Variants in RPS6KB2 observed in about 807,000 individuals in gnomAD.
RPS6KB2 encodes the protein ribosomal protein S6 kinase beta-2.
RPS6KB2 carries 51 observed loss-of-function variants against 58.2 expected under a neutral mutation model. The ratio of observed to expected loss-of-function variants is 0.88; its 90% CI spans 0.70 to 1.11. The LOEUF (loss-of-function observed/expected upper bound fraction) is 1.11. RPS6KB2 is among the 50% of genes least tolerant of loss of function. The probability of loss-of-function intolerance (pLI) is 0.00; values close to 1 mark genes in which losing one functional copy is unlikely to be tolerated. For missense variants in RPS6KB2, 671 were observed against 655.8 expected (o/e 1.02, Z -0.25); for synonymous variants, 293 against 258.6 (o/e 1.13, Z -1.28).
Position 67,429,246 on chromosome 11 carries a change from G to A in RPS6KB2, c.240+6G>A. On this transcript the variant is annotated splice_donor_region_variant and intron_variant, in intron 3 of 14. Coordinates refer to ENST00000312629, the MANE Select transcript of RPS6KB2 (RefSeq NM_003952.3). The stretch of plus-strand genomic sequence containing the variant: ...GCAAGGGGGGCTATGGCAAGGTAGG[G>A]GCGGGCGCACCCTCCTCCTGGCCTC... 6.2e-7 allele frequency: 1 copy of A among 1,612,302 alleles called. No individual in the cohort carries two copies. The highest frequency in any genetic ancestry group is 8.5e-7 in the Non-Finnish European group (1 of 1,179,948).
chr11:67,429,403 A>T, intron 3 of RPS6KB2, 124 bp from the exon 4 acceptor site: 1 of 1,363,666 alleles, frequency 7.3e-7, no homozygotes, highest in South Asian at 1.3e-5. Context: ...CGGACTTGAA[A>T]TCTTCACTGC....
Position 67,435,288 on chromosome 11 carries a change from T to A in RPS6KB2, c.*119T>A. 2.1e-6 allele frequency: 2 copies of A among 951,192 alleles called. No homozygotes were observed. The highest frequency in any genetic ancestry group is 2.7e-5 in the East Asian group (1 of 36,870). The allele number at this position is 951,192 out of a possible 1,614,324, so 58.9% of individuals were successfully genotyped here. On this transcript the variant is annotated 3_prime_UTR_variant, in exon 15 of 15. Coordinates refer to ENST00000312629, the MANE Select transcript of RPS6KB2 (RefSeq NM_003952.3). The stretch of plus-strand genomic sequence containing the variant: ...TGTCTGGGGGTGGGGTGTGAGTGCG[T>A]ATGAAAGTGTGTGTCTGCTGGGGCA...
At position 67,429,298 on chromosome 11, in the gene RPS6KB2, G is replaced by A; in HGVS notation, c.240+58G>A. ...CAGCCTCCATCTGGAGGCAGCAAAG[G>A]GTTCTCAAAACAAATTAGACTTGTG... is the stretch of plus-strand genomic sequence containing the variant. On this transcript the variant is annotated intron_variant, in intron 3 of 14. Coordinates refer to ENST00000312629, the MANE Select transcript of RPS6KB2 (RefSeq NM_003952.3). 3 of 1,602,372 alleles carry A rather than the reference G, an allele frequency of 1.9e-6. No individual in the cohort carries two copies. The Admixed American group carries it at 5.0e-5, about 27-fold the overall frequency.
intron 4 of RPS6KB2, chr11:67,429,810 CTATT>C (rs1863965464): frequency 3.8e-6 from 2 of 523,430 alleles, no homozygotes; most frequent in East Asian, 3.3e-5. Flanking sequence ...TGTCTGGACA[CTATT>C]TTATTTTATT....
Position 67,429,132 on chromosome 11 carries a change from C to T in RPS6KB2, c.132C>T (p.His44=), listed in dbSNP as rs1480524796. 16 of 1,613,994 alleles carry T rather than the reference C, an allele frequency of 9.9e-6. No individual in the cohort carries two copies. Among genetic ancestry groups the T allele is most frequent in the Non-Finnish European group, 1.2e-5 (14 of 1,180,024 alleles). ...CTTGTGTCCGTAGGCCTGTGGGACA[C>T]TATGAAGAGGTGGAGCTGACTGAGA... The part of the protein sequence containing the change: ...LRAAGLEPVG[H]YEEVELTETS... Residue 44 remains histidine, a synonymous_variant, in exon 3 of 15, where the codon CAC becomes CAT. Coordinates refer to ENST00000312629, the MANE Select transcript of RPS6KB2 (RefSeq NM_003952.3).
intron 4 of RPS6KB2, 40 bp from the exon 5 acceptor site, chr11:67,431,328 C>T: frequency 6.2e-7 from 1 of 1,604,490 alleles, no homozygotes; most frequent in Non-Finnish European, 8.5e-7. Flanking sequence ...CTGTGCCCAG[C>T]CTGGATGCCT....
chr11:67,429,547 GCAA>G lies in RPS6KB2; in HGVS notation c.262_264del (p.Gln88del). On this transcript the variant is annotated inframe_deletion, in exon 4 of 15. Coordinates refer to ENST00000312629, the MANE Select transcript of RPS6KB2 (RefSeq NM_003952.3). ...TACAGGTGTTCCAGGTGCGAAAGGT[GCAA>G]GGCACCAACTTGGGCAAAATATATG... 1.2e-6 allele frequency: 2 copies of G among 1,613,346 alleles called. No individual in the cohort carries two copies. The highest frequency in any genetic ancestry group is 4.5e-5 in the East Asian group (2 of 44,872).
chr11:67,429,604 C>T lies in RPS6KB2; in HGVS notation c.309+9C>T, dbSNP rs532433397. 1.7e-5 allele frequency: 28 copies of T among 1,604,828 alleles called. No homozygotes were observed. The highest frequency in any genetic ancestry group is 5.3e-5 in the African/African-American group (4 of 74,994). The stretch of plus-strand genomic sequence containing the variant: ...TGAAAGTCCTAAGGAAGGTGAGTCA[C>T]TCGTTCAGCCAACGAATACTGTGTG... On this transcript the variant is annotated intron_variant, in intron 4 of 14. Coordinates refer to ENST00000312629, the MANE Select transcript of RPS6KB2 (RefSeq NM_003952.3).
Position 67,433,311 on chromosome 11 carries a change from A to G in RPS6KB2, c.799-29A>G, listed in dbSNP as rs1407340969. 1.9e-6 allele frequency: 3 copies of G among 1,605,162 alleles called. No homozygotes were observed. The African/African-American group carries it at 4.0e-5, about 21-fold the overall frequency. On this transcript the variant is annotated intron_variant, in intron 9 of 14. Coordinates refer to ENST00000312629, the MANE Select transcript of RPS6KB2 (RefSeq NM_003952.3). ...GGCAGGGCCTGGTGGGAGGCCCACA[A>G]GGCTCCTCTCACCTTCCTCCTCCTC...
rs1337509647 is a variant in RPS6KB2, at chr11:67,434,504, G to T, written c.1155+20G>T. 1 of 1,604,230 alleles carries T rather than the reference G, an allele frequency of 6.2e-7. No homozygotes were observed. Among genetic ancestry groups the T allele is most frequent in the Admixed American group, 1.7e-5 (1 of 59,902 alleles). ...TTCCTGGTGAGTGCGGGGGCCTGAG[G>T]CCTGTGGGACCAGGGCACGGATCGT... On this transcript the variant is annotated intron_variant, in intron 13 of 14. Coordinates refer to ENST00000312629, the MANE Select transcript of RPS6KB2 (RefSeq NM_003952.3).
intron 10 of RPS6KB2, 46 bp downstream of exon 10, chr11:67,433,493 C>A: frequency 7.0e-7 from 1 of 1,420,694 alleles, no homozygotes; most frequent in Non-Finnish European, 1.0e-6. Context: ...AGCCATTCTG[C>A]ACGTGTTCCT....
intron 5 of RPS6KB2, 74 bp from the exon 6 acceptor site, chr11:67,432,526 A>G (rs1472066276): frequency 2.6e-6 from 4 of 1,520,690 alleles, no homozygotes; most frequent in South Asian, 2.2e-5. Flanking sequence ...TCTTTCCCCA[A>G]GAAGAAATAA....
Position 67,428,529 on chromosome 11 carries a change from G to GCGGGGC in RPS6KB2, c.-13_-8dup. The GCGGGGC allele has an allele frequency of 6.3e-7, 1 of 1,599,176 alleles. No individual in the cohort carries two copies. The highest frequency in any genetic ancestry group is 8.5e-7 in the Non-Finnish European group (1 of 1,172,890). ...CGGCCAGGTACGGGCCGACGGGCCC[G>GCGGGGC]CGGGGCCGGCGCCGCCATGGCGGCC... On this transcript the variant is annotated 5_prime_UTR_variant, in exon 1 of 15. Transcript: ENST00000312629.
Position 67,431,461 on chromosome 11 carries a change from G to T in RPS6KB2, c.403G>T (p.Ala135Ser). The change falls in exon 5 of 15, where the codon GCC becomes TCC. Residue 135 changes from alanine (A) to serine (S), a missense_variant. Physicochemically the swap from Ala to Ser is moderately conservative, Grantham distance 99 (BLOSUM62 1). Coordinates refer to ENST00000312629, the MANE Select transcript of RPS6KB2 (RefSeq NM_003952.3). ...GAAGCACCCCTTTATTGTGGAACTG[G>T]CCTATGCCTTCCAGACTGGTGGCAA... ...SVKHPFIVELAYAFQTGGKLY... is the reference protein window; with the variant it reads ...SVKHPFIVELSYAFQTGGKLY... The T allele has an allele frequency of 6.2e-7, 1 of 1,614,104 alleles. No individual in the cohort carries two copies. Among genetic ancestry groups the T allele is most frequent in the Non-Finnish European group, 8.5e-7 (1 of 1,179,992 alleles).
intron 8 of RPS6KB2, 38 bp from the exon 9 acceptor site, chr11:67,433,088 G>C (rs978016517): frequency 6.2e-7 from 1 of 1,611,182 alleles, no homozygotes; most frequent in South Asian, 1.1e-5. Flanking sequence ...ACAGCCCGAA[G>C]GGGCACGGCC....
Position 67,429,010 on chromosome 11 carries a change from C to G in RPS6KB2, c.107C>G (p.Ala36Gly). 6.2e-7 allele frequency: 1 copy of G among 1,613,896 alleles called. No individual in the cohort carries two copies. Residue 36 changes from alanine (A) to glycine (G), a missense_variant, in exon 2 of 15, where the codon GCA (alanine) becomes GGA (glycine). Coordinates refer to ENST00000312629, the MANE Select transcript of RPS6KB2 (RefSeq NM_003952.3). ...GCATGTCCCCTTGCCGAGTTGAGGG[C>G]AGCTGGCCTAGAGTGAGTGAGGGTC... ...ADACPLAELR[A>G]AGLEPVGHYE...
Position 67,434,218 on chromosome 11 carries a change from C to T in RPS6KB2, c.990C>T (p.His330=), listed in dbSNP as rs781267818. 18 of 1,613,896 alleles carry T rather than the reference C, an allele frequency of 1.1e-5. No individual in the cohort carries two copies. Among genetic ancestry groups the T allele is most frequent in the African/African-American group, 2.7e-5 (2 of 74,938 alleles). Reference sequence around the variant, plus strand: ...TACAGAGACATCCCTTTTTCCGGCACATGAATTGGGACGACCTTCTGGCCT... The same window carrying T: ...TACAGAGACATCCCTTTTTCCGGCATATGAATTGGGACGACCTTCTGGCCT... The part of the protein sequence containing the change: ...ADVQRHPFFR[H]MNWDDLLAWR... Residue 330 remains histidine (H), a synonymous_variant, in exon 12 of 15, where the codon CAC becomes CAT. Transcript: ENST00000312629.
intron 5 of RPS6KB2, 185 bp downstream of exon 5, chr11:67,431,700 C>T (rs542839549): frequency 3.6e-4 from 214 of 596,106 alleles, no homozygotes; most frequent in South Asian, 8.7e-4. Flanking sequence ...ATTCAGCAAA[C>T]GTCTGTCCAG....
At chr11:67,431,095 G>A (rs1409339877) in intron 4 of RPS6KB2, 8 of 225,228 alleles carry the variant, frequency 3.6e-5, no homozygotes, top group South Asian at 1.5e-4. Context: ...GTGCAGTGGC[G>A]TGATCTCAGC....
Sources: gnomAD v4.1 joint callset for allele counts on GRCh38, gnomAD v4.1.1 for gene constraint, MANE v1.5 for transcripts, NCBI Gene and HGNC (gene_info 2026-07-23, HGNC 2026-07-21) for gene names.